KTN1: variants seen among roughly 807,000 people sequenced by gnomAD.
KTN1 encodes kinectin.
In KTN1, 130 loss-of-function variants were observed where a neutral mutation model predicts 222.5. That is an observed-to-expected ratio of 0.58 (90% confidence interval 0.51 to 0.68). The LOEUF is 0.68. Ranked by LOEUF, KTN1 falls within the 30% of genes least tolerant of loss-of-function variation. KTN1 has a pLI of 0.00. For missense variants in KTN1, 1,508 were observed against 1,500.4 expected, an observed-to-expected ratio of 1.01 and a Z score of -0.08; for synonymous variants, 512 against 496.3, an observed-to-expected ratio of 1.03 and a Z score of -0.42.
At chr14:55,649,473 G>C (rs573676105) in intron 21 of KTN1, among the ~76,000 whole-genome samples, 11 of 152,238 alleles carry the variant, frequency 7.2e-5, no homozygotes, top group Non-Finnish European at 1.2e-4. Flanking sequence ...AAAAGAGGCC[G>C]CCTGAAATTA....
At chr14:55,599,709 C>T (rs1459286581) in intron 1 of KTN1, among the ~76,000 whole-genome samples, 3 of 151,946 alleles carry the variant, frequency 2.0e-5, no homozygotes, top group Non-Finnish European at 2.9e-5. Flanking sequence ...AACTCCTGAC[C>T]TCAGGTGATC....
At chr14:55,655,218 A>C (rs1239030852) in intron 28 of KTN1, among the ~76,000 whole-genome samples, 1 of 152,102 alleles carries the variant, frequency 6.6e-6, no homozygotes. Flanking sequence ...GGCTTGAGTG[A>C]TCCTCCCACC....
Position 55,616,646 on chromosome 14 carries a change from C to G in KTN1, c.653C>G (p.Thr218Arg). The change falls in exon 3 of 44, where the codon ACA (threonine) becomes AGA (arginine). Residue 218 changes from threonine (T) to arginine (R), a missense_variant. Physicochemically the swap from Thr to Arg is moderately conservative, Grantham distance 71. Coordinates refer to ENST00000395314, the MANE Select transcript of KTN1 (RefSeq NM_001079521.2). ...AAAGCTTCATCAAAGAAACAAAAGA[C>G]AGAAAATGGTGAGATGTTTAGATAT... ...KKKASSKKQKTENVFVDEPLI... is the reference protein window; with the variant it reads ...KKKASSKKQKRENVFVDEPLI... The G allele has an allele frequency of 6.3e-7, 1 of 1,591,796 alleles. No individual in the cohort carries two copies. Among genetic ancestry groups the G allele is most frequent in the Non-Finnish European group, 8.5e-7 (1 of 1,174,166 alleles).
intron 4 of KTN1, among the ~76,000 whole-genome samples, chr14:55,618,469 A>G (rs1001231170): frequency 2.0e-5 from 3 of 152,100 alleles, no homozygotes; most frequent in Admixed American, 6.5e-5. Context: ...TCACAGCAAA[A>G]TTCATTGGAA....
intron 33 of KTN1, among the ~76,000 whole-genome samples, chr14:55,665,320 G>A (rs1351409121): frequency 6.6e-6 from 1 of 151,994 alleles, no homozygotes; most frequent in Non-Finnish European, 1.5e-5. Context: ...GACTGGGTAT[G>A]TGGGTGCTAA....
chr14:55,618,400 G>A (rs770228061), intron 4 of KTN1, among the ~76,000 whole-genome samples: 1 of 151,888 alleles, frequency 6.6e-6, no homozygotes, highest in Non-Finnish European at 1.5e-5. Flanking sequence ...AGGTTTCTTG[G>A]CTAATTCATA....
intron 21 of KTN1, among the ~76,000 whole-genome samples, chr14:55,649,088 G>T (rs1011156587): frequency 6.6e-6 from 1 of 151,948 alleles, no homozygotes; most frequent in African/African-American, 2.4e-5. Context: ...CACAATGCTC[G>T]GCTTTTATTT....
chr14:55,624,225 G>A (rs2039511314), intron 5 of KTN1, among the ~76,000 whole-genome samples: 1 of 152,214 alleles, frequency 6.6e-6, no homozygotes, highest in Non-Finnish European at 1.5e-5. Flanking sequence ...CCAGAACTGA[G>A]TTGGTCAGAG....
chr14:55,617,852 G>C, intron 3 of KTN1, 112 bp from the exon 4 acceptor site: 1 of 779,114 alleles, frequency 1.3e-6, no homozygotes, highest in Admixed American at 2.8e-5. Flanking sequence ...ACCAATTTGA[G>C]CTACCAGTAA....
intron 40 of KTN1, chr14:55,674,126 C>CT (rs2045693423): frequency 2.0e-5 from 3 of 151,960 alleles, no homozygotes; most frequent in South Asian, 2.1e-4. Context: ...ACCAAGAAAA[C>CT]TTTAACTCAT....
intron 1 of KTN1, among the ~76,000 whole-genome samples, chr14:55,609,331 C>T (rs1194548321): frequency 6.6e-6 from 1 of 152,172 alleles, no homozygotes; most frequent in Admixed American, 6.5e-5. Flanking sequence ...GACATGATCT[C>T]ATTCCTTTTT....
chr14:55,617,897 T>A, intron 3 of KTN1, 67 bp from the exon 4 acceptor site: 1 of 1,132,658 alleles, frequency 8.8e-7, no homozygotes, highest in East Asian at 2.5e-5. Context: ...CATTAAATTA[T>A]GCTTGCATGT....
At chr14:55,633,365 T>C in intron 8 of KTN1, 24 bp downstream of exon 8, 1 of 1,284,558 alleles carries the variant, frequency 7.8e-7, no homozygotes, top group Non-Finnish European at 1.1e-6. Context: ...TACCTTATTT[T>C]TTAATTGAAT....
chr14:55,639,933 A>G lies in KTN1; in HGVS notation c.1844A>G (p.Gln615Arg). 1 of 1,604,316 alleles carries G rather than the reference A, an allele frequency of 6.2e-7. No homozygotes were observed. Among genetic ancestry groups the G allele is most frequent in the Non-Finnish European group, 8.5e-7 (1 of 1,171,894 alleles). ...LHKVIAEKDK[Q>R]IKQTEDSLAS... ...TAAAGGATTGCAGAAAAGGATAAGC[A>G]GATAAAACAGACTGAAGATTCTTTA... Residue 615 changes from glutamine (Q) to arginine (R), a missense_variant, in exon 14 of 44, where the codon CAG becomes CGG. Gln to Arg is a conservative substitution (Grantham distance 43). Transcript: ENST00000395314.
chr14:55,651,991 TGAAA>T, intron 25 of KTN1, 64 bp downstream of exon 25: 3 of 1,015,138 alleles, frequency 3.0e-6, no homozygotes, highest in Non-Finnish European at 4.5e-6. Context: ...AGAAGTATAA[TGAAA>T]ATTATAGCTT....
At chr14:55,604,042 C>T (rs1478389004) in intron 1 of KTN1, among the ~76,000 whole-genome samples, 1 of 152,162 alleles carries the variant, frequency 6.6e-6, no homozygotes, top group Non-Finnish European at 1.5e-5. Context: ...TCACTTTCTC[C>T]CTACACCCTT....
At chr14:55,674,682 C>T (rs1480966500) in intron 40 of KTN1, 1 of 152,138 alleles carries the variant, frequency 6.6e-6, no homozygotes, top group African/African-American at 2.4e-5. Context: ...GCTGACTCAA[C>T]AGTTACATGG....
intron 9 of KTN1, among the ~76,000 whole-genome samples, 165 bp from the exon 10 acceptor site, chr14:55,636,284 T>C (rs1295742106): frequency 1.3e-5 from 2 of 152,220 alleles, no homozygotes; most frequent in African/African-American, 2.4e-5. Context: ...AAATGGCTTT[T>C]AGACTGTGTG....
At position 55,612,446 on chromosome 14, in the gene KTN1, G is replaced by A; in HGVS notation, c.398G>A (p.Ser133Asn). The change falls in exon 2 of 44, where the codon AGT becomes AAT. Residue 133 changes from serine (S) to asparagine (N), a missense_variant. Transcript: ENST00000395314. ...CTTGAAGAGCAGGTCATCAAAGAAA[G>A]TGACGCATCAAAGATTCCTGGCAAA... ...PVLEEQVIKE[S>N]DASKIPGKKV... 5 of 1,614,144 alleles carry A rather than the reference G, an allele frequency of 3.1e-6. No individual in the cohort carries two copies. The highest frequency in any genetic ancestry group is 4.2e-6 in the Non-Finnish European group (5 of 1,180,006).
Sources: gnomAD v4.1 joint callset for allele counts (sites outside exome capture counted in the v4.1 genomes callset) on GRCh38, gnomAD v4.1.1 for gene constraint, MANE v1.5 for transcripts, NCBI Gene and HGNC (gene_info 2026-07-23, HGNC 2026-07-21) for gene names.